The following CCDC88A variants were observed in gnomAD, a reference collection of about 807,000 sequenced individuals.
The protein encoded by CCDC88A is girdin.
A neutral mutation model predicts 234.3 loss-of-function variants in CCDC88A; 54 were observed. That is an observed-to-expected ratio of 0.23 (90% CI 0.19 to 0.29). The LOEUF (loss-of-function observed/expected upper bound fraction) is 0.29, where lower values mean the gene tolerates loss of function less well. Ranked by LOEUF, CCDC88A falls within the 10% of genes least tolerant of loss-of-function variation. CCDC88A has a pLI of 1.00. For synonymous variants in CCDC88A, 753 were observed against 737.8 expected (o/e 1.02, Z -0.33); for missense variants, 1,832 against 2,123.4 (o/e 0.86, Z 2.70).
At position 55,360,190 on chromosome 2, in the gene CCDC88A, C is replaced by T. The variant is rs924844143; in HGVS notation, c.627+2118G>A. The stretch of plus-strand genomic sequence containing the variant: ...GTAAAAGGAGAGGACTGAAGACATA[C>T]TTGTTCTATAGCATTAAGAATACGA... On this transcript the variant is annotated intron_variant, in intron 7 of 32. Coordinates refer to ENST00000436346, the MANE Select transcript of CCDC88A (RefSeq NM_001365480.1). Among the ~76,000 whole-genome samples the T allele has an allele frequency of 2.1e-4, 32 of 152,106 alleles. 1 individual carries two copies. The highest frequency in any genetic ancestry group is 1.7e-3 in the Admixed American group (26 of 15,268).
intron 26 of CCDC88A, 80 bp downstream of exon 26, chr2:55,302,989 C>T (rs1681081664): frequency 5.5e-6 from 5 of 912,512 alleles, no homozygotes; most frequent in Non-Finnish European, 8.8e-6. Context: ...TTGGCACAGT[C>T]CAGAGAAAGG....
chr2:55,408,510 C>G (rs531154079), intron 2 of CCDC88A, among the ~76,000 whole-genome samples: 18 of 152,236 alleles, frequency 1.2e-4, no homozygotes, highest in Admixed American at 7.8e-4. Context: ...CCACCAAAAC[C>G]AAGATGCTGA....
chr2:55,359,466 C>T lies in CCDC88A; in HGVS notation c.627+2842G>A, dbSNP rs536429351. ...TTTGACATTTCTCTAATGGCAGTAA[C>T]TTCTTGAGTTCAAGGCTTCCTATAC... On this transcript the variant is annotated intron_variant, in intron 7 of 32. Transcript: ENST00000436346. 2.0e-5 allele frequency among the ~76,000 whole-genome samples: 3 copies of T among 152,038 alleles called. No homozygotes were observed. In the East Asian group the frequency reaches 5.8e-4, roughly 29 times the overall value.
chr2:55,341,337 G>A lies in CCDC88A; in HGVS notation c.1334-1689C>T, dbSNP rs369148355. 1.5e-4 allele frequency among the ~76,000 whole-genome samples: 23 copies of A among 151,544 alleles called. 1 individual carries two copies. Among genetic ancestry groups the A allele is most frequent in the African/African-American group, 3.1e-4 (13 of 41,338 alleles). On this transcript the variant is annotated intron_variant, in intron 12 of 32. Coordinates refer to ENST00000436346, the MANE Select transcript of CCDC88A (RefSeq NM_001365480.1). ...TTTTTTTTGTATTTTCAGTAGAGAC[G>A]GGGTTTCATCATGTTGGCCAGGATG... is the stretch of plus-strand genomic sequence containing the variant.
chr2:55,384,267 G>A (rs1490819133), intron 3 of CCDC88A, among the ~76,000 whole-genome samples: 1 of 147,920 alleles, frequency 6.8e-6, no homozygotes, highest in Non-Finnish European at 1.5e-5. Flanking sequence ...AGAGGTTGCA[G>A]TAAGCCGAGA....
chr2:55,320,807 T>G (rs534278075), intron 18 of CCDC88A: 1 of 152,328 alleles, frequency 6.6e-6, no homozygotes, highest in South Asian at 2.1e-4. Context: ...TTAGTGGGAC[T>G]GAAAATTGAT....
rs1685051336 is a variant in CCDC88A, at chr2:55,332,571, A to G, written c.2850T>C (p.Asp950=). ...CAAGTAGACTTAGTACTCACCTGTC[A>G]TCAGTACTTTGTTCATCATGTAAGA... ...ERLLHDEQST[D]DSRYKLLESK... is the part of the protein sequence containing the mutation. The change falls in exon 16 of 33, where the codon GAT becomes GAC. Residue 950 remains aspartate (D), a synonymous_variant. Transcript: ENST00000436346. The surrounding 1 kb of genome is among the most constrained non-coding windows in gnomAD (Gnocchi z 4.5). 6.2e-7 allele frequency: 1 copy of G among 1,612,916 alleles called. No individual in the cohort carries two copies. The highest frequency in any genetic ancestry group is 8.5e-7 in the Non-Finnish European group (1 of 1,179,592).
chr2:55,315,374 T>C (rs1158200261), intron 22 of CCDC88A: 1 of 152,218 alleles, frequency 6.6e-6, no homozygotes, highest in Admixed American at 6.5e-5. Context: ...CTTCCCAGGG[T>C]TGAATAGTTT....
rs906918686 is a variant in CCDC88A, at chr2:55,288,749, T to C, written c.*2451A>G. On this transcript the variant is annotated 3_prime_UTR_variant, in exon 33 of 33. Coordinates refer to ENST00000436346, the MANE Select transcript of CCDC88A (RefSeq NM_001365480.1). ...TGATTCTTCAGTTTCCTTGAGGGGTTAGGTGTTGATTTAGAATACAGCCAG... is the reference window on the plus strand; with the variant it reads ...TGATTCTTCAGTTTCCTTGAGGGGTCAGGTGTTGATTTAGAATACAGCCAG... 2.0e-5 allele frequency: 3 copies of C among 152,230 alleles called. No individual in the cohort carries two copies. Among genetic ancestry groups the C allele is most frequent in the African/African-American group, 7.2e-5 (3 of 41,450 alleles). The allele number at this position is 152,230 out of a possible 1,614,324, so 9.4% of individuals were successfully genotyped here.
At chr2:55,342,379 GATATTTAATACTTGA>G (rs1348983062) in intron 12 of CCDC88A, among the ~76,000 whole-genome samples, 1 of 152,046 alleles carries the variant, frequency 6.6e-6, no homozygotes, top group Non-Finnish European at 1.5e-5. Context: ...TAATAATAAT[GATATTTAATACTTGA>G]ATGCTTACTA....
intron 8 of CCDC88A, among the ~76,000 whole-genome samples, chr2:55,351,134 G>T (rs1330335083): frequency 6.6e-6 from 1 of 152,056 alleles, no homozygotes; most frequent in Non-Finnish European, 1.5e-5. Context: ...GAGAGAGGAT[G>T]TCACTATGTT....
chr2:55,343,613 C>T, intron 12 of CCDC88A, 35 bp downstream of exon 12: 1 of 1,516,994 alleles, frequency 6.6e-7, no homozygotes, highest in Non-Finnish European at 9.0e-7. Flanking sequence ...CTTCATGATT[C>T]GATTATCTAT....
chr2:55,355,885 A>G, intron 7 of CCDC88A, 134 bp from the exon 8 acceptor site: 2 of 626,332 alleles, frequency 3.2e-6, no homozygotes, highest in Admixed American at 3.1e-5. Context: ...CTTAACTATC[A>G]TATTTAGTTG....
At chr2:55,372,360 G>C (rs1347442854) in intron 5 of CCDC88A, 92 bp downstream of exon 5, 1 of 609,324 alleles carries the variant, frequency 1.6e-6, no homozygotes, top group Non-Finnish European at 2.9e-6. Context: ...GAAAACCAAT[G>C]GTCCATCCTT....
chr2:55,389,336 G>C (rs1006221790), intron 2 of CCDC88A, among the ~76,000 whole-genome samples: 6 of 152,168 alleles, frequency 3.9e-5, no homozygotes, highest in African/African-American at 7.2e-5. Flanking sequence ...GGATGACACA[G>C]GTTAGTACTT....
intron 25 of CCDC88A, among the ~76,000 whole-genome samples, chr2:55,307,359 A>ATTT (rs58399854): frequency 1.4e-5 from 2 of 140,550 alleles, no homozygotes; most frequent in African/African-American, 5.3e-5. Context: ...TCTTCACCTA[A>ATTT]TTTTTTTTTT....
chr2:55,383,484 G>C (rs1023003648), intron 3 of CCDC88A, among the ~76,000 whole-genome samples: 1 of 151,892 alleles, frequency 6.6e-6, no homozygotes, highest in African/African-American at 2.4e-5. Flanking sequence ...TTAGCCAGGT[G>C]TGGTGGCAGG....
rs774859506 is a variant in CCDC88A at position 55,339,648 on chromosome 2, G to A, written c.1334C>T (p.Ala445Val). ...CTCATGGCCCAGGGATTTCTGGGGT[G>A]CTATAATATTGAAAAATACACCATT... ...QISRTSELSE[A>V]PQKSLGHEVN... is the part of the protein sequence containing the mutation. Residue 445 changes from alanine to valine, a missense_variant and splice_region_variant, in exon 13 of 33, where the codon GCA becomes GTA. Coordinates refer to ENST00000436346, the MANE Select transcript of CCDC88A (RefSeq NM_001365480.1). The A allele has an allele frequency of 1.9e-6, 3 of 1,592,300 alleles. No individual in the cohort carries two copies. The highest frequency in any genetic ancestry group is 1.4e-5 in the African/African-American group (1 of 73,302).
intron 12 of CCDC88A, among the ~76,000 whole-genome samples, chr2:55,343,112 G>C (rs1354880827): frequency 3.9e-5 from 6 of 152,050 alleles, no homozygotes; most frequent in African/African-American, 1.4e-4. Context: ...AATTTACCTG[G>C]GGGATCTTAC....
Sources: gnomAD v4.1 joint callset for allele counts (sites outside exome capture counted in the v4.1 genomes callset) on GRCh38, gnomAD v4.1.1 for gene constraint, Gnocchi (gnomAD v3.1) non-coding constraint, MANE v1.5 for transcripts, NCBI Gene and HGNC (gene_info 2026-07-23, HGNC 2026-07-21) for gene names.